Variants in CMC2 observed in about 807,000 individuals in gnomAD.
CMC2 encodes COX assembly mitochondrial protein 2 homolog.
CMC2 carries 5 observed loss-of-function variants against 7.5 expected under a neutral mutation model. That is an observed-to-expected ratio of 0.66 (90% confidence interval 0.35 to 1.40). The LOEUF is 1.40. CMC2 is among the 40% of genes most tolerant of loss of function. The pLI is 0.04. For synonymous variants in CMC2, 37 were observed against 31.4 expected (o/e 1.18, Z -0.60); for missense variants, 115 against 92.3 (o/e 1.25, Z -1.01).
intron 3 of CMC2, chr16:80,980,940 A>G: frequency 1.6e-6 from 1 of 619,344 alleles, no homozygotes; most frequent in South Asian, 1.8e-5. Context: ...AGTACTCCAA[A>G]AAGTTCTTCA....
intron 3 of CMC2, among the ~76,000 whole-genome samples, chr16:80,981,137 CCAT>C (rs1211664155): frequency 2.7e-5 from 4 of 150,136 alleles, no homozygotes; most frequent in Non-Finnish European, 4.4e-5. Flanking sequence ...AAAATTTTAG[CCAT>C]CATATATTTT....
At chr16:81,005,103 A>G (rs1482017943) in intron 1 of CMC2, among the ~76,000 whole-genome samples, 2 of 152,222 alleles carry the variant, frequency 1.3e-5, no homozygotes, top group East Asian at 3.8e-4. Context: ...GTTCTCCAGA[A>G]AAAAAAACTG....
chr16:81,003,743 T>G (rs1335149075), intron 1 of CMC2, among the ~76,000 whole-genome samples: 6 of 152,110 alleles, frequency 3.9e-5, no homozygotes, highest in African/African-American at 1.4e-4. Flanking sequence ...AACGTAATAC[T>G]ATCCTGTAAG....
At position 80,967,129 on chromosome 16, in the gene CMC2, G is replaced by T. The variant is rs951022311; in HGVS notation, c.*8964C>A. On this transcript the variant is annotated 3_prime_UTR_variant, in exon 4 of 4. Transcript: ENST00000219400. Reference sequence around the variant, plus strand: ...ACTGTCCTAAGAGCTGCAGATACAGGAATAATGTGGTGTCTGCCCAGAGAG... The same window carrying T: ...ACTGTCCTAAGAGCTGCAGATACAGTAATAATGTGGTGTCTGCCCAGAGAG... The T allele has an allele frequency of 2.8e-4, 43 of 152,174 alleles. No individual in the cohort carries two copies. The highest frequency in any genetic ancestry group is 1.9e-3 in the Admixed American group (29 of 15,280). 9.4% of individuals were successfully genotyped at this position (152,174 alleles called of 1,614,324 possible).
chr16:80,984,688 T>C (rs1967386617), intron 2 of CMC2, among the ~76,000 whole-genome samples: 1 of 152,254 alleles, frequency 6.6e-6, no homozygotes, highest in Non-Finnish European at 1.5e-5. Context: ...TGCATTTTCA[T>C]GCCTTCAAGT....
Position 81,006,820 on chromosome 16 carries a change from G to A in CMC2, c.-122C>T, listed in dbSNP as rs150618251. 1,102 of 985,596 alleles carry A rather than the reference G, an allele frequency of 1.1e-3. 10 individuals carry two copies. The African/African-American group carries it at 0.017, about 15-fold the overall frequency. 61.1% of individuals were successfully genotyped at this position (985,596 alleles called of 1,614,324 possible). On this transcript the variant is annotated 5_prime_UTR_variant, in exon 1 of 4. Transcript: ENST00000219400. ...AAGGCCGGCTGCTAGGGAGCAGACA[G>A]CTGAACCGCTTGCCAGACGCCGAAA...
At chr16:80,978,861 A>C (rs897919309) in intron 3 of CMC2, among the ~76,000 whole-genome samples, 10 of 152,110 alleles carry the variant, frequency 6.6e-5, no homozygotes, top group South Asian at 2.1e-4. Context: ...GCGGGCGGAT[A>C]ACAAGCTCAG....
At chr16:80,978,740 A>G (rs534073971) in intron 3 of CMC2, among the ~76,000 whole-genome samples, 1 of 152,022 alleles carries the variant, frequency 6.6e-6, no homozygotes, top group African/African-American at 2.4e-5. Context: ...AAAAGGAGTG[A>G]CACAGCGGAG....
Position 80,974,143 on chromosome 16 carries a change from G to A in CMC2, c.*1950C>T, listed in dbSNP as rs947380336. 5.3e-5 allele frequency: 8 copies of A among 152,246 alleles called. No individual in the cohort carries two copies. The highest frequency in any genetic ancestry group is 1.9e-4 in the African/African-American group (8 of 41,396). 9.4% of individuals were successfully genotyped at this position (152,246 alleles called of 1,614,324 possible). ...CCTCCCAAGCAGGCACAAATCAAAT[G>A]CCTGAGACATCCTAGACACTTCCTT... is the stretch of plus-strand genomic sequence containing the variant. On this transcript the variant is annotated 3_prime_UTR_variant, in exon 4 of 4. Transcript: ENST00000219400.
At position 80,971,573 on chromosome 16, in the gene CMC2, T is replaced by TATATATATATATATGTATGAAATCATGC. The variant is rs1911924143; in HGVS notation, c.*4519_*4520insGCATGATTTCATACATATATATATATAT. On this transcript the variant is annotated 3_prime_UTR_variant, in exon 4 of 4. Transcript: ENST00000219400. Reference sequence around the variant, plus strand: ...CTGACATACATACATTTTATATATATATATATATATATGTATGAAATCATG... The same window carrying TATATATATATATATGTATGAAATCATGC: ...CTGACATACATACATTTTATATATATATATATATATATATGTATGAAATCATGCATATATATATATGTATGAAATCATG... 2.8e-5 allele frequency: 4 copies of TATATATATATATATGTATGAAATCATGC among 140,772 alleles called. No homozygotes were observed. The highest frequency in any genetic ancestry group is 6.0e-5 in the Non-Finnish European group (4 of 66,814). The allele number at this position is 140,772 out of a possible 1,614,324, so 8.7% of individuals were successfully genotyped here.
intron 2 of CMC2, among the ~76,000 whole-genome samples, chr16:80,995,059 T>C (rs962848343): frequency 4.6e-5 from 7 of 151,994 alleles, no homozygotes; most frequent in African/African-American, 1.7e-4. Context: ...GGCAGGAGAA[T>C]TGCTTGAACC....
intron 1 of CMC2, among the ~76,000 whole-genome samples, chr16:81,005,862 T>C (rs1045511355): frequency 2.0e-5 from 3 of 152,204 alleles, no homozygotes; most frequent in African/African-American, 7.2e-5. Flanking sequence ...ACGCACAGGC[T>C]CGTGAGGGAG....
chr16:80,988,220 G>C (rs1967693032), intron 2 of CMC2, among the ~76,000 whole-genome samples: 1 of 152,046 alleles, frequency 6.6e-6, no homozygotes, highest in Admixed American at 6.6e-5. Context: ...CCCAGATATA[G>C]ACCTGCAGAA....
chr16:81,006,694 A>ACGGAACGCGTT (rs1969385870), intron 1 of CMC2, 40 bp downstream of exon 1: 4 of 984,982 alleles, frequency 4.1e-6, no homozygotes, highest in Non-Finnish European at 4.8e-6. Context: ...AGGAGGAACA[A>ACGGAACGCGTT]CGGAACGCGT....
chr16:80,992,055 A>G (rs1879711632), intron 2 of CMC2: 1 of 404,920 alleles, frequency 2.5e-6, no homozygotes, highest in Non-Finnish European at 5.0e-6. Flanking sequence ...TGGTTTATTA[A>G]CTGTAACAAA....
intron 1 of CMC2, among the ~76,000 whole-genome samples, chr16:81,003,857 A>T (rs2151656976): frequency 6.6e-6 from 1 of 152,308 alleles, no homozygotes; most frequent in Middle Eastern, 3.4e-3. Flanking sequence ...CTAATCTGAG[A>T]CCTAAGTCTC....
intron 2 of CMC2, chr16:80,997,052 T>C (rs1382066567): frequency 3.8e-6 from 2 of 532,430 alleles, no homozygotes; most frequent in Admixed American, 5.7e-5. Flanking sequence ...CATTTTATTG[T>C]AAGAACATGG....
Position 80,974,745 on chromosome 16 carries a change from A to G in CMC2, c.*1348T>C, listed in dbSNP as rs1047163741. The G allele has an allele frequency of 4.9e-4, 74 of 152,350 alleles. No individual in the cohort carries two copies. The highest frequency in any genetic ancestry group is 1.7e-3 in the African/African-American group (72 of 41,580). The allele number at this position is 152,350 out of a possible 1,614,324, so 9.4% of individuals were successfully genotyped here. Reference sequence around the variant, plus strand: ...TTAACTACAAGATTCTAAAGGCAAAATGTCTCATTTCTGTATTTCTACTGC... The same window carrying G: ...TTAACTACAAGATTCTAAAGGCAAAGTGTCTCATTTCTGTATTTCTACTGC... On this transcript the variant is annotated 3_prime_UTR_variant, in exon 4 of 4. Transcript: ENST00000219400.
chr16:80,994,525 T>C (rs1968255350), intron 2 of CMC2, among the ~76,000 whole-genome samples: 1 of 151,770 alleles, frequency 6.6e-6, no homozygotes, highest in South Asian at 2.1e-4. Flanking sequence ...AACTCAGTCA[T>C]AAAACAATCC....
Sources: allele counts gnomAD v4.1 joint callset (sites outside exome capture counted in the v4.1 genomes callset), GRCh38; gene constraint gnomAD v4.1.1; transcripts MANE v1.5; gene names NCBI Gene and HGNC (gene_info 2026-07-23, HGNC 2026-07-21).